Variants in NUP188 observed in about 807,000 individuals in gnomAD.
NUP188 encodes the protein nucleoporin NUP188.
In NUP188, 97 loss-of-function variants were observed where a neutral mutation model predicts 223.0. That is an observed-to-expected ratio of 0.43 (90% CI 0.37 to 0.51). The LOEUF (loss-of-function observed/expected upper bound fraction) is 0.51. Among genes scored for constraint, NUP188 ranks in the 20% least tolerant of loss-of-function variants. The probability of loss-of-function intolerance (pLI) is 0.00; values close to 1 mark genes in which losing one functional copy is unlikely to be tolerated. For missense variants in NUP188, 1,947 were observed against 2,175.6 expected, an observed-to-expected ratio of 0.89 and a Z score of 2.09; for synonymous variants, 869 against 828.0, an observed-to-expected ratio of 1.05 and a Z score of -0.85.
At chr9:128,990,305 C>A (rs1256515438) in intron 25 of NUP188, 79 bp downstream of exon 25, 3 of 1,106,080 alleles carry the variant, frequency 2.7e-6, no homozygotes, top group African/African-American at 1.5e-5. Context: ...CATGCTCAGG[C>A]CACGTGCAGC....
chr9:128,994,582 G>A (rs1180214183), intron 28 of NUP188, 140 bp downstream of exon 28: 9 of 733,446 alleles, frequency 1.2e-5, no homozygotes, highest in Non-Finnish European at 2.1e-5. Flanking sequence ...GTCTTTCTCA[G>A]GGAAGTGCCA....
intron 9 of NUP188, among the ~76,000 whole-genome samples, 195 bp downstream of exon 9, chr9:128,968,912 G>C (rs1383465164): frequency 6.6e-6 from 1 of 152,140 alleles, no homozygotes; most frequent in Admixed American, 6.6e-5. Flanking sequence ...ATTGTAATCT[G>C]CTCTTTTACT....
rs185075935 is a variant in NUP188, at chr9:128,969,331, A to T, written c.798-69A>T. 80 of 968,080 alleles carry T rather than the reference A, an allele frequency of 8.3e-5. No homozygotes were observed. The African/African-American group carries it at 1.1e-3, about 14-fold the overall frequency. 60.0% of individuals were successfully genotyped at this position (968,080 alleles called of 1,614,324 possible). A position where few individuals can be genotyped will look rare whatever the true frequency, so the allele number is the denominator to read the frequency against. ...TTTTTTTGATATCGCAGTGTCTTATATCTCACCTTTGTCTCTAGTGAGTTT... is the reference window on the plus strand; with the variant it reads ...TTTTTTTGATATCGCAGTGTCTTATTTCTCACCTTTGTCTCTAGTGAGTTT... On this transcript the variant is annotated intron_variant, in intron 9 of 43. Transcript: ENST00000372577.
intron 25 of NUP188, among the ~76,000 whole-genome samples, chr9:128,990,619 CTT>C (rs1302255541): frequency 6.6e-6 from 1 of 152,190 alleles, no homozygotes; most frequent in Non-Finnish European, 1.5e-5. Flanking sequence ...AATCCCAGCA[CTT>C]TGGGAGGCCG....
intron 8 of NUP188, among the ~76,000 whole-genome samples, chr9:128,965,183 T>C (rs1057312713): frequency 3.3e-5 from 5 of 152,150 alleles, no homozygotes; most frequent in Non-Finnish European, 7.4e-5. Flanking sequence ...TTTATCTCTT[T>C]TTAAAATTTT....
intron 20 of NUP188, among the ~76,000 whole-genome samples, chr9:128,985,855 A>G (rs949852230): frequency 1.3e-5 from 2 of 152,218 alleles, no homozygotes; most frequent in African/African-American, 4.8e-5. Context: ...CCTGGCCAAC[A>G]TGGTGAAACC....
chr9:128,986,257 G>A (rs566519903), intron 20 of NUP188, among the ~76,000 whole-genome samples: 2 of 152,232 alleles, frequency 1.3e-5, no homozygotes, highest in East Asian at 3.9e-4. Context: ...TTCATCATCA[G>A]CAATCCTCTA....
At chr9:128,962,553 A>G (rs550590969) in intron 8 of NUP188, among the ~76,000 whole-genome samples, 6 of 152,016 alleles carry the variant, frequency 3.9e-5, no homozygotes, top group South Asian at 2.1e-4. Context: ...CCGGCACACC[A>G]TATTCTTGAG....
At chr9:128,947,999 A>G (rs1841713735) in intron 1 of NUP188, 1 of 379,546 alleles carries the variant, frequency 2.6e-6, no homozygotes, top group Non-Finnish European at 4.7e-6. Context: ...CCATCTCCTC[A>G]CCCAGGGCCC....
intron 36 of NUP188, 36 bp from the exon 37 acceptor site, chr9:129,002,781 C>A (rs781740714): frequency 3.1e-6 from 5 of 1,602,160 alleles, no homozygotes; most frequent in Admixed American, 1.7e-5. Flanking sequence ...TGCCTCTCAG[C>A]AGGGTTCCTG....
chr9:128,994,020 G>A (rs948992176), intron 27 of NUP188, among the ~76,000 whole-genome samples: 1 of 152,158 alleles, frequency 6.6e-6, no homozygotes, highest in Non-Finnish European at 1.5e-5. Flanking sequence ...GAAACATTCC[G>A]TTCTATTGGA....
At chr9:128,974,850 CT>C (rs1160959558) in intron 12 of NUP188, among the ~76,000 whole-genome samples, 1 of 151,978 alleles carries the variant, frequency 6.6e-6, no homozygotes, top group African/African-American at 2.4e-5. Flanking sequence ...CCTGCACCCC[CT>C]GGGCTTAGAT....
intron 28 of NUP188, among the ~76,000 whole-genome samples, 188 bp from the exon 29 acceptor site, chr9:128,994,665 GTCT>G (rs1486450755): frequency 6.6e-6 from 1 of 152,216 alleles, no homozygotes; most frequent in East Asian, 1.9e-4. Context: ...TGGCTCTGTG[GTCT>G]TCTCCATTCA....
At chr9:128,949,972 A>G (rs1298708830) in intron 2 of NUP188, among the ~76,000 whole-genome samples, 1 of 115,002 alleles carries the variant, frequency 8.7e-6, no homozygotes, top group Non-Finnish European at 1.6e-5. Context: ...CCCAGGCTGG[A>G]GTGTAAGTAG....
intron 2 of NUP188, among the ~76,000 whole-genome samples, 193 bp downstream of exon 2, chr9:128,949,436 G>A (rs966694997): frequency 2.0e-5 from 3 of 151,814 alleles, no homozygotes; most frequent in Admixed American, 6.6e-5. Context: ...AGGTTCAAGC[G>A]ATTCTCCTGC....
chr9:128,953,987 G>C (rs1278320587), intron 3 of NUP188, among the ~76,000 whole-genome samples: 6 of 150,122 alleles, frequency 4.0e-5, no homozygotes, highest in Admixed American at 4.0e-4. Flanking sequence ...CCGCCACCAC[G>C]CCCAGCTAAT....
chr9:129,003,274 C>T, intron 37 of NUP188, 43 bp from the exon 38 acceptor site: 2 of 1,579,632 alleles, frequency 1.3e-6, no homozygotes, highest in Non-Finnish European at 1.7e-6. Context: ...TGTCAGGTCC[C>T]TCAGCCATCC....
chr9:129,001,056 C>T (rs1209305542), intron 34 of NUP188, among the ~76,000 whole-genome samples: 1 of 152,100 alleles, frequency 6.6e-6, no homozygotes, highest in Non-Finnish European at 1.5e-5. Flanking sequence ...GTCTTTATGA[C>T]TCTGGGTCAT....
At chr9:128,954,762 G>C (rs1841845354) in intron 3 of NUP188, among the ~76,000 whole-genome samples, 1 of 151,934 alleles carries the variant, frequency 6.6e-6, no homozygotes, top group South Asian at 2.1e-4. Context: ...TTATTTTGTA[G>C]TATGCCCCCA....
Sources: allele counts gnomAD v4.1 joint callset (sites outside exome capture counted in the v4.1 genomes callset), GRCh38; gene constraint gnomAD v4.1.1; transcripts MANE v1.5; gene names NCBI Gene and HGNC (gene_info 2026-07-23, HGNC 2026-07-21).